The following DCC variants were observed in gnomAD, a reference collection of about 807,000 sequenced individuals.
DCC encodes netrin receptor DCC.
DCC carries 58 observed loss-of-function variants against 172.5 expected under a neutral mutation model. The observed-to-expected ratio is 0.34, with a 90% CI of 0.27 to 0.42. The LOEUF (loss-of-function observed/expected upper bound fraction) is 0.42, where lower values mean the gene tolerates loss of function less well. Among genes scored for constraint, DCC ranks in the 10% least tolerant of loss-of-function variants. The pLI, the probability that DCC is intolerant of heterozygous loss-of-function variation, is 1.00. For missense variants in DCC, 1,740 were observed against 1,791.0 expected (o/e 0.97, Z 0.51); for synonymous variants, 709 against 644.5 (o/e 1.10, Z -1.52).
chr18:53,330,832 C>G (rs1056910525), intron 14 of DCC, among the ~76,000 whole-genome samples: 1 of 152,198 alleles, frequency 6.6e-6, no homozygotes, highest in Non-Finnish European at 1.5e-5. Context: ...GAGTTTCACT[C>G]AGATGTCTTT....
chr18:52,581,007 T>C (rs2033532473), intron 1 of DCC, among the ~76,000 whole-genome samples: 1 of 152,224 alleles, frequency 6.6e-6, no homozygotes, highest in Admixed American at 6.5e-5. Context: ...ATTCAACCAC[T>C]GATCTGCTCT....
chr18:52,418,643 G>T (rs1265282556), intron 1 of DCC, among the ~76,000 whole-genome samples: 1 of 152,074 alleles, frequency 6.6e-6, no homozygotes, highest in Non-Finnish European at 1.5e-5. Flanking sequence ...ACAGTCACAA[G>T]CAGTGGGTCC....
intron 2 of DCC, among the ~76,000 whole-genome samples, chr18:52,793,717 C>A (rs1006046187): frequency 6.6e-6 from 1 of 152,064 alleles, no homozygotes; most frequent in African/African-American, 2.4e-5. Context: ...TTTGCCTAGA[C>A]CAATTTCCTG....
At chr18:52,860,893 C>T (rs1419382796) in intron 2 of DCC, among the ~76,000 whole-genome samples, 2 of 151,860 alleles carry the variant, frequency 1.3e-5, no homozygotes, top group Non-Finnish European at 2.9e-5. Context: ...GTAGTCCCAG[C>T]TGCTCAGGAG....
At chr18:52,626,028 A>G (rs942893471) in intron 1 of DCC, among the ~76,000 whole-genome samples, 1 of 152,016 alleles carries the variant, frequency 6.6e-6, no homozygotes, top group African/African-American at 2.4e-5. Flanking sequence ...TCTTTTCTCA[A>G]TGTACATACT....
intron 5 of DCC, among the ~76,000 whole-genome samples, chr18:53,002,589 A>AACTCTGTG (rs1276226963): frequency 2.6e-5 from 4 of 152,108 alleles, no homozygotes; most frequent in Non-Finnish European, 4.4e-5. Flanking sequence ...TAAACACCAC[A>AACTCTGTG]ACTCTGTGCA....
At chr18:52,531,475 ATTCAT>A (rs1404188618) in intron 1 of DCC, among the ~76,000 whole-genome samples, 13 of 152,322 alleles carry the variant, frequency 8.5e-5, no homozygotes, top group Non-Finnish European at 1.6e-4. Flanking sequence ...AAGGCAATAT[ATTCAT>A]TACAGTATGG....
intron 9 of DCC, 114 bp downstream of exon 9, chr18:53,179,230 T>C: frequency 1.9e-6 from 2 of 1,043,218 alleles, no homozygotes; most frequent in Non-Finnish European, 2.9e-6. Context: ...AGAGTTTTTT[T>C]TCTTCTAAGT....
intron 1 of DCC, among the ~76,000 whole-genome samples, chr18:52,536,249 G>C (rs1170461285): frequency 6.6e-6 from 1 of 151,982 alleles, no homozygotes; most frequent in Non-Finnish European, 1.5e-5. Context: ...TTTCCTAGAG[G>C]GGAAGTGAAT....
intron 1 of DCC, among the ~76,000 whole-genome samples, chr18:52,386,261 T>C (rs144364054): frequency 0.018 from 2,790 of 152,188 alleles, 34 homozygotes; most frequent in Middle Eastern, 0.061. Flanking sequence ...ACAACAGTGA[T>C]TGGGTTTTTA....
rs115951965 is a variant in DCC at position 53,207,896 on chromosome 18, A to G, written c.1861+79A>G. The G allele has an allele frequency of 1.4e-3, 1,857 of 1,321,260 alleles. 25 individuals carry two copies. The African/African-American group carries it at 0.023, about 17-fold the overall frequency. The allele number at this position is 1,321,260 out of a possible 1,614,324, so 81.8% of individuals were successfully genotyped here. A position where few individuals can be genotyped will look rare whatever the true frequency, so the allele number is the denominator to read the frequency against. On this transcript the variant is annotated intron_variant, in intron 11 of 28. Transcript: ENST00000442544. ...AATGACATGATATTGCACATATATC[A>G]TATATTCCATTTTCAAGGCTTCCTG...
At chr18:53,120,447 T>C (rs1458581739) in intron 7 of DCC, among the ~76,000 whole-genome samples, 1 of 151,802 alleles carries the variant, frequency 6.6e-6, no homozygotes, top group African/African-American at 2.4e-5. Flanking sequence ...TTACCACATA[T>C]AGGAATCAAC....
intron 7 of DCC, among the ~76,000 whole-genome samples, chr18:53,139,946 A>G (rs2043805549): frequency 1.3e-5 from 2 of 152,230 alleles, no homozygotes; most frequent in South Asian, 4.1e-4. Context: ...CCAAAAAGGC[A>G]GACGGTATTT....
At chr18:53,037,815 G>A (rs2042116767) in intron 5 of DCC, among the ~76,000 whole-genome samples, 2 of 151,840 alleles carry the variant, frequency 1.3e-5, no homozygotes, top group South Asian at 2.1e-4. Flanking sequence ...TTCTGTAAAA[G>A]CACAACTGAT....
intron 5 of DCC, among the ~76,000 whole-genome samples, chr18:53,023,730 T>A (rs1301037504): frequency 1.3e-5 from 2 of 152,252 alleles, no homozygotes; most frequent in East Asian, 3.9e-4. Flanking sequence ...AATAATAATA[T>A]AGAGTTTTTA....
chr18:52,547,740 A>C (rs2032657301), intron 1 of DCC, among the ~76,000 whole-genome samples: 1 of 152,188 alleles, frequency 6.6e-6, no homozygotes, highest in Non-Finnish European at 1.5e-5. Context: ...AAGGAACAGC[A>C]TGAGCAAAGG....
At chr18:53,465,353 T>C (rs1484190618) in intron 24 of DCC, among the ~76,000 whole-genome samples, 1 of 152,182 alleles carries the variant, frequency 6.6e-6, no homozygotes, top group Non-Finnish European at 1.5e-5. Flanking sequence ...TGCTGGATAT[T>C]GTTAACCCAA....
At chr18:52,873,699 C>T (rs921998386) in intron 2 of DCC, among the ~76,000 whole-genome samples, 2 of 152,096 alleles carry the variant, frequency 1.3e-5, no homozygotes, top group African/African-American at 4.8e-5. Flanking sequence ...ACGTTGCTGT[C>T]TTGTGGGTAT....
chr18:52,644,435 T>A (rs1350699376), intron 1 of DCC, among the ~76,000 whole-genome samples: 3 of 152,016 alleles, frequency 2.0e-5, no homozygotes, highest in South Asian at 2.1e-4. Flanking sequence ...AAACATTAGC[T>A]GGGCCTGGTG....
Sources: gnomAD v4.1 joint callset for allele counts (sites outside exome capture counted in the v4.1 genomes callset) on GRCh38, gnomAD v4.1.1 for gene constraint, MANE v1.5 for transcripts, NCBI Gene and HGNC (gene_info 2026-07-23, HGNC 2026-07-21) for gene names.